ADAT1: variants seen among roughly 807,000 people sequenced by gnomAD.
ADAT1 encodes the protein tRNA-specific adenosine deaminase 1.
Under a neutral mutation model 58.6 loss-of-function variants are expected in ADAT1, and 58 were observed. The ratio of observed to expected loss-of-function variants is 0.99; its 90% CI spans 0.80 to 1.23. The LOEUF (loss-of-function observed/expected upper bound fraction) is 1.23, where lower values mean the gene tolerates loss of function less well. Ranked by LOEUF, ADAT1 falls within the 50% of genes most tolerant of loss-of-function variation. ADAT1 has a pLI of 0.00. For synonymous variants in ADAT1, 254 were observed against 220.8 expected (o/e 1.15, Z -1.33); for missense variants, 741 against 608.6 (o/e 1.22, Z -2.29).
chr16:75,600,169 G>A lies in ADAT1; in HGVS notation c.*47C>T. 1 of 1,609,090 alleles carries A rather than the reference G, an allele frequency of 6.2e-7. No individual in the cohort carries two copies. The highest frequency in any genetic ancestry group is 8.5e-7 in the Non-Finnish European group (1 of 1,176,326). On this transcript the variant is annotated 3_prime_UTR_variant, in exon 10 of 10. Coordinates refer to ENST00000564657, the MANE Select transcript of ADAT1 (RefSeq NM_001324445.2). ...CTAAGACTTGTCCTGCGTGGAGGAA[G>A]GCAGTTCAGGATGAAGGGTCCTGCT...
chr16:75,608,087 T>G, intron 8 of ADAT1, 137 bp downstream of exon 8: 1 of 672,406 alleles, frequency 1.5e-6, no homozygotes, highest in Non-Finnish European at 2.6e-6. Flanking sequence ...TTCCAAGGGA[T>G]GAGGAGAGGG....
chr16:75,618,679 A>C, intron 3 of ADAT1, 39 bp from the exon 4 acceptor site: 1 of 1,609,986 alleles, frequency 6.2e-7, no homozygotes, highest in Non-Finnish European at 8.5e-7. Flanking sequence ...GACATATGGA[A>C]GCTGGAGAGG....
Position 75,598,630 on chromosome 16 carries a change from T to C in ADAT1, c.*1586A>G, listed in dbSNP as rs1271292861. On this transcript the variant is annotated 3_prime_UTR_variant, in exon 10 of 10. Coordinates refer to ENST00000564657, the MANE Select transcript of ADAT1 (RefSeq NM_001324445.2). ...GCCTCCCAGGTTCAAGTGATTCTCC[T>C]GCCTCAGCCTCCCAAGTAGCTGGGA... Among the ~76,000 whole-genome samples the C allele has an allele frequency of 6.6e-6, 1 of 151,818 alleles. No homozygotes were observed. The highest frequency in any genetic ancestry group is 2.4e-5 in the African/African-American group (1 of 41,274).
intron 4 of ADAT1, among the ~76,000 whole-genome samples, chr16:75,617,921 TAA>T (rs112837622): frequency 1.6e-4 from 22 of 136,150 alleles, no homozygotes; most frequent in African/African-American, 2.9e-4. Flanking sequence ...ACCCTGTCTT[TAA>T]AAAAAAAAAA....
intron 5 of ADAT1, among the ~76,000 whole-genome samples, chr16:75,615,995 C>T (rs1463982101): frequency 6.6e-6 from 1 of 151,130 alleles, no homozygotes; most frequent in Non-Finnish European, 1.5e-5. Context: ...CTCTTTCTTT[C>T]TTCTCTCTCT....
intron 8 of ADAT1, among the ~76,000 whole-genome samples, chr16:75,606,055 G>T (rs764831483): frequency 2.0e-5 from 3 of 150,864 alleles, no homozygotes; most frequent in Middle Eastern, 3.2e-3. Flanking sequence ...AGAGATTGGG[G>T]GGGGGGTCTC....
In ADAT1 at chr16:75,598,289, T is replaced by C; in HGVS notation, c.*1927A>G. On this transcript the variant is annotated 3_prime_UTR_variant, in exon 10 of 10. Transcript: ENST00000564657. ...AGGGGCTTCACCATGTTGGCCAGGA[T>C]GGTCTTGATCTCCTGACGTCGTGAT... 1 of 334,992 alleles carries C rather than the reference T, an allele frequency of 3.0e-6. No homozygotes were observed. The highest frequency in any genetic ancestry group is 6.0e-6 in the Non-Finnish European group (1 of 167,122). 20.8% of individuals were successfully genotyped at this position (334,992 alleles called of 1,614,324 possible).
At chr16:75,606,520 C>G (rs1288751155) in intron 8 of ADAT1, among the ~76,000 whole-genome samples, 1 of 152,202 alleles carries the variant, frequency 6.6e-6, no homozygotes, top group Non-Finnish European at 1.5e-5. Flanking sequence ...GCTGAATACT[C>G]TGGTAGCCTT....
At chr16:75,613,714 G>A (rs1351327331) in intron 5 of ADAT1, among the ~76,000 whole-genome samples, 2 of 152,184 alleles carry the variant, frequency 1.3e-5, no homozygotes, top group Non-Finnish European at 2.9e-5. Flanking sequence ...AATGCCAATA[G>A]GACTACCAGT....
At chr16:75,605,916 G>A (rs909776111) in intron 8 of ADAT1, among the ~76,000 whole-genome samples, 6 of 145,580 alleles carry the variant, frequency 4.1e-5, no homozygotes, top group Non-Finnish European at 7.5e-5. Context: ...CAGCCTGGGC[G>A]GTAAGGGTGA....
At chr16:75,620,587 CCATCTCT>C in intron 2 of ADAT1, 37 bp downstream of exon 2, 1 of 1,601,948 alleles carries the variant, frequency 6.2e-7, no homozygotes, top group Non-Finnish European at 8.5e-7. Context: ...CATAATTTTA[CCATCTCT>C]CACAGTGAGG....
At chr16:75,600,483 G>T in intron 9 of ADAT1, 135 bp from the exon 10 acceptor site, 1 of 1,397,778 alleles carries the variant, frequency 7.2e-7, no homozygotes. Context: ...ATGCTTTTGT[G>T]AAAGTTGATC....
intron 6 of ADAT1, among the ~76,000 whole-genome samples, chr16:75,609,904 A>G (rs1386399263): frequency 6.6e-6 from 1 of 151,932 alleles, no homozygotes; most frequent in African/African-American, 2.4e-5. Flanking sequence ...GGATTTTGCC[A>G]TATTGCCTAG....
intron 8 of ADAT1, among the ~76,000 whole-genome samples, chr16:75,604,474 TACACACACACACACACACACACACAC>T (rs373687206): frequency 3.7e-5 from 2 of 54,014 alleles, no homozygotes; most frequent in East Asian, 7.8e-4. Context: ...TATATATATA[TACACACACACACACACACACACACAC>T]ACACACACAC....
intron 8 of ADAT1, among the ~76,000 whole-genome samples, chr16:75,607,989 G>A (rs183850422): frequency 2.0e-3 from 305 of 152,264 alleles, no homozygotes; most frequent in Middle Eastern, 6.8e-3. Flanking sequence ...AGATACAAAA[G>A]GTCATATACT....
intron 9 of ADAT1, among the ~76,000 whole-genome samples, chr16:75,600,714 C>A (rs2081205821): frequency 6.7e-6 from 1 of 149,410 alleles, no homozygotes; most frequent in South Asian, 2.1e-4. Flanking sequence ...CCTCACTTTA[C>A]TCATGTCAAT....
Position 75,620,341 on chromosome 16 carries a change from GA to G in ADAT1, c.170-8del, listed in dbSNP as rs748342842. 8.7e-6 allele frequency: 14 copies of G among 1,613,912 alleles called. No homozygotes were observed. The highest frequency in any genetic ancestry group is 1.2e-5 in the Non-Finnish European group (14 of 1,179,874). ...GACACAACTTCCTTTGTCACTGTGG[GA>G]AAAAAACAAATCGTGTGAGTTCTGA... On this transcript the variant is annotated splice_polypyrimidine_tract_variant and splice_region_variant and intron_variant, in intron 2 of 9. Coordinates refer to ENST00000564657, the MANE Select transcript of ADAT1 (RefSeq NM_001324445.2).
chr16:75,612,542 A>G lies in ADAT1; in HGVS notation c.744T>C (p.Pro248=). ...AAACGTCTATCACTTTGGCACTACC[A>G]GGGGCTATTCTGGTGACAGTAGCCA... ...EGLATVTRIA[P]GSAKVIDVYR... is the part of the protein sequence containing the mutation. The change falls in exon 6 of 10, where the codon CCT becomes CCC. Residue 248 remains proline, a synonymous_variant. Transcript: ENST00000564657. 6.2e-7 allele frequency: 1 copy of G among 1,614,132 alleles called. No individual in the cohort carries two copies. The highest frequency in any genetic ancestry group is 1.1e-5 in the South Asian group (1 of 91,080).
In ADAT1 at chr16:75,597,044, C is replaced by T. The variant is rs74738315; in HGVS notation, c.*3172G>A. On this transcript the variant is annotated 3_prime_UTR_variant, in exon 10 of 10. Transcript: ENST00000564657. Reference sequence around the variant, plus strand: ...ATCCAAACAGACAGAAAGTAGATTACTGATTGCCCTGGGGTAGGGGGCGTT... The same window carrying T: ...ATCCAAACAGACAGAAAGTAGATTATTGATTGCCCTGGGGTAGGGGGCGTT... 6.5e-6 allele frequency: 1 copy of T among 154,488 alleles called. No homozygotes were observed. The highest frequency in any genetic ancestry group is 1.9e-4 in the South Asian group (1 of 5,212). The allele number at this position is 154,488 out of a possible 1,614,324, so 9.6% of individuals were successfully genotyped here. A position where few individuals can be genotyped will look rare whatever the true frequency, so the allele number is the denominator to read the frequency against.
Sources: allele counts gnomAD v4.1 joint callset (sites outside exome capture counted in the v4.1 genomes callset), GRCh38; gene constraint gnomAD v4.1.1; transcripts MANE v1.5; gene names NCBI Gene and HGNC (gene_info 2026-07-23, HGNC 2026-07-21).